Variants in IMMP2L observed in about 807,000 individuals in gnomAD.
The protein encoded by IMMP2L is mitochondrial inner membrane protease subunit 2.
Under a neutral mutation model 19.3 loss-of-function variants are expected in IMMP2L, and 18 were observed. That is an observed-to-expected ratio of 0.93 (90% confidence interval 0.64 to 1.38). The LOEUF (loss-of-function observed/expected upper bound fraction) is 1.38. IMMP2L is among the 40% of genes most tolerant of loss of function. The pLI, the probability that IMMP2L is intolerant of heterozygous loss-of-function variation, is 0.00. For missense variants in IMMP2L, 233 were observed against 218.2 expected, an observed-to-expected ratio of 1.07 and a Z score of -0.43; for synonymous variants, 76 against 73.0, an observed-to-expected ratio of 1.04 and a Z score of -0.21.
rs116327089 is a variant in IMMP2L, at chr7:111,313,481, T to C, written c.239+173757A>G. ...GTGATGCATTTTATCTTCTAACCAT[T>C]TATAAAATAAATTAAATATATGTTT... is the stretch of plus-strand genomic sequence containing the variant. On this transcript the variant is annotated intron_variant, in intron 3 of 5. Coordinates refer to ENST00000405709, the MANE Select transcript of IMMP2L (RefSeq NM_032549.4). Among the ~76,000 whole-genome samples, 293 of 152,224 alleles carry C rather than the reference T, an allele frequency of 1.9e-3. 1 individual carries two copies. The highest frequency in any genetic ancestry group is 6.8e-3 in the African/African-American group (283 of 41,550).
chr7:110,874,050 A>C (rs1200456950), intron 5 of IMMP2L, among the ~76,000 whole-genome samples: 1 of 152,058 alleles, frequency 6.6e-6, no homozygotes, highest in African/African-American at 2.4e-5. Flanking sequence ...GAAAGAATAT[A>C]TAGGGTATTT....
chr7:111,373,721 T>C (rs533229794), intron 3 of IMMP2L, among the ~76,000 whole-genome samples: 2 of 152,168 alleles, frequency 1.3e-5, no homozygotes, highest in East Asian at 3.9e-4. Flanking sequence ...TATACAAAAA[T>C]AGTAAGATTA....
rs545186614 is a variant in IMMP2L, at chr7:111,450,243, G to T, written c.239+36995C>A. ...TTCATATGGAACCAAAAAAGAGCCCGCATCGCCAGGTCAATCCTAAGCCAA... is the reference window on the plus strand; with the variant it reads ...TTCATATGGAACCAAAAAAGAGCCCTCATCGCCAGGTCAATCCTAAGCCAA... On this transcript the variant is annotated intron_variant, in intron 3 of 5. Coordinates refer to ENST00000405709, the MANE Select transcript of IMMP2L (RefSeq NM_032549.4). 1.1e-3 allele frequency among the ~76,000 whole-genome samples: 160 copies of T among 149,486 alleles called. 1 individual carries two copies. The highest frequency in any genetic ancestry group is 3.8e-3 in the African/African-American group (150 of 39,502).
chr7:111,241,960 C>T (rs1357882465), intron 3 of IMMP2L, among the ~76,000 whole-genome samples: 1 of 151,886 alleles, frequency 6.6e-6, no homozygotes, highest in Non-Finnish European at 1.5e-5. Context: ...TAACATTATA[C>T]GTGAAAAATA....
chr7:110,686,447 C>A (rs560921927), intron 5 of IMMP2L, among the ~76,000 whole-genome samples: 2 of 152,118 alleles, frequency 1.3e-5, no homozygotes, highest in East Asian at 3.9e-4. Flanking sequence ...TATCCTTTCT[C>A]CTGATCTCCA....
Position 110,760,012 on chromosome 7 carries a change from C to A in IMMP2L, c.409-96291G>T, listed in dbSNP as rs550465191. On this transcript the variant is annotated intron_variant, in intron 5 of 5. Transcript: ENST00000405709. The surrounding 1 kb of genome is among the most constrained non-coding windows in gnomAD (Gnocchi z 4.2). ...CAGCACTTTCTGAGGAGAAAAAAAGCTTCCTTTTCTCCCCACAATGCCAGT... is the reference window on the plus strand; with the variant it reads ...CAGCACTTTCTGAGGAGAAAAAAAGATTCCTTTTCTCCCCACAATGCCAGT... Among the ~76,000 whole-genome samples, 1 of 152,192 alleles carries A rather than the reference C, an allele frequency of 6.6e-6. No individual in the cohort carries two copies. Among genetic ancestry groups the A allele is most frequent in the South Asian group, 2.1e-4 (1 of 4,822 alleles).
At chr7:110,953,668 CT>C in intron 4 of IMMP2L, among the ~76,000 whole-genome samples, 1 of 152,204 alleles carries the variant, frequency 6.6e-6, no homozygotes, top group Middle Eastern at 3.4e-3. Flanking sequence ...ATCCATAATC[CT>C]TTGGGTATAT....
chr7:111,443,743 A>T (rs567940106), intron 3 of IMMP2L, among the ~76,000 whole-genome samples: 3 of 152,278 alleles, frequency 2.0e-5, no homozygotes, highest in Admixed American at 2.0e-4. Flanking sequence ...GCTACCACTC[A>T]TTCTTCTTCC....
chr7:111,274,080 C>G (rs1224298426), intron 3 of IMMP2L, among the ~76,000 whole-genome samples: 1 of 152,068 alleles, frequency 6.6e-6, no homozygotes, highest in Non-Finnish European at 1.5e-5. Flanking sequence ...AAAATTATTA[C>G]TTCCATCTGG....
intron 3 of IMMP2L, among the ~76,000 whole-genome samples, chr7:111,008,379 T>A (rs1824533529): frequency 6.6e-6 from 1 of 152,090 alleles, no homozygotes; most frequent in Admixed American, 6.6e-5. Context: ...GTACTAAGAT[T>A]GCTCTGCCTA....
At chr7:111,364,967 CA>C (rs372903536) in intron 3 of IMMP2L, among the ~76,000 whole-genome samples, 3,501 of 113,130 alleles carry the variant, frequency 0.031, 109 homozygotes, top group African/African-American at 0.096. Context: ...GAGACTCTGT[CA>C]AAAAAAAAAA....
At chr7:111,411,348 C>T (rs2131513916) in intron 3 of IMMP2L, 9 of 426,954 alleles carry the variant, frequency 2.1e-5, no homozygotes, top group South Asian at 1.3e-4. Context: ...TAGCCAAAGC[C>T]CACAACACCC....
chr7:111,069,997 A>G (rs1249542377), intron 3 of IMMP2L, among the ~76,000 whole-genome samples: 1 of 152,206 alleles, frequency 6.6e-6, no homozygotes, highest in Non-Finnish European at 1.5e-5. Flanking sequence ...AAGACAGTCC[A>G]TATATAACAT....
intron 3 of IMMP2L, among the ~76,000 whole-genome samples, chr7:111,336,596 A>G (rs1826430533): frequency 1.3e-5 from 2 of 152,066 alleles, no homozygotes; most frequent in South Asian, 4.2e-4. Context: ...TTTCAATTAC[A>G]TTTTTCAATT....
chr7:110,981,265 TA>T (rs1351587442), intron 3 of IMMP2L, among the ~76,000 whole-genome samples: 2 of 151,540 alleles, frequency 1.3e-5, no homozygotes, highest in African/African-American at 2.4e-5. Flanking sequence ...TATCTGAAAA[TA>T]AAAAAAGAAA....
rs146666978 is a variant in IMMP2L, at chr7:110,924,497, T to C, written c.306-37802A>G. ...AGGTACCAGGTTTATCCTACGTTTC[T>C]CTCACTATGGGGAACTGGGCAGGCC... On this transcript the variant is annotated intron_variant, in intron 4 of 5. Coordinates refer to ENST00000405709, the MANE Select transcript of IMMP2L (RefSeq NM_032549.4). The surrounding 1 kb of genome is among the most constrained non-coding windows in gnomAD (Gnocchi z 4.2). Among the ~76,000 whole-genome samples the C allele has an allele frequency of 0.012, 1,842 of 152,232 alleles. 46 individuals are homozygous for C. Among genetic ancestry groups the C allele is most frequent in the Admixed American group, 0.062 (948 of 15,278 alleles).
intron 3 of IMMP2L, among the ~76,000 whole-genome samples, chr7:111,088,230 T>G (rs1449387605): frequency 6.6e-6 from 1 of 152,246 alleles, no homozygotes; most frequent in Non-Finnish European, 1.5e-5. Context: ...TATTTTCTTA[T>G]TTGATGATGA....
chr7:111,546,410 T>G (rs923133226), intron 1 of IMMP2L, among the ~76,000 whole-genome samples: 1 of 152,152 alleles, frequency 6.6e-6, no homozygotes, highest in African/African-American at 2.4e-5. Flanking sequence ...ATTTTGCATT[T>G]CTCTTATTAT....
At chr7:110,824,382 T>G (rs71572823) in intron 5 of IMMP2L, among the ~76,000 whole-genome samples, 316 of 152,238 alleles carry the variant, frequency 2.1e-3, no homozygotes, top group Non-Finnish European at 2.1e-3. Context: ...TTTTAATACT[T>G]AACGTATATT....
Sources: gnomAD v4.1 joint callset for allele counts (sites outside exome capture counted in the v4.1 genomes callset) on GRCh38, gnomAD v4.1.1 for gene constraint, Gnocchi (gnomAD v3.1) non-coding constraint, MANE v1.5 for transcripts, NCBI Gene and HGNC (gene_info 2026-07-23, HGNC 2026-07-21) for gene names.